Variants in PREPL observed in about 807,000 individuals in gnomAD.
PREPL encodes the protein prolyl endopeptidase like, also known as prolyl endopeptidase-like.
PREPL carries 77 observed loss-of-function variants against 70.6 expected under a neutral mutation model. The ratio of observed to expected loss-of-function variants is 1.09; its 90% confidence interval spans 0.91 to 1.32. The LOEUF is 1.32. PREPL is among the 40% of genes most tolerant of loss of function. PREPL has a pLI of 0.00. For missense variants in PREPL, 1,002 were observed against 778.2 expected (o/e 1.29, Z -3.42); for synonymous variants, 315 against 264.8 (o/e 1.19, Z -1.84).
intron 1 of PREPL, chr2:44,359,967 G>A (rs1677500274): frequency 2.3e-6 from 1 of 438,744 alleles, no homozygotes; most frequent in African/African-American, 2.0e-5. Context: ...TGACTTAAAT[G>A]TCTCATTTGT....
intron 6 of PREPL, 97 bp downstream of exon 6, chr2:44,339,050 T>C (rs1674937525): frequency 6.6e-7 from 1 of 1,519,904 alleles, no homozygotes; most frequent in Non-Finnish European, 8.8e-7. Context: ...GTGGCATCAA[T>C]TTATAAAACA....
rs1449313825 is a variant in PREPL at position 44,338,498 on chromosome 2, A to G, written c.741T>C (p.Asn247=). The change falls in exon 7 of 14, where the codon AAT becomes AAC. Residue 247 remains asparagine (N), a synonymous_variant. Transcript: ENST00000409411. ...TCTTCATTGTAAAAAATAAATCCCA[A>G]TTCATAATTGCAGGGGTATCAGCCG... The part of the protein sequence containing the change: ...RTAADTPAIM[N]WDLFFTMKRN... 4 of 1,612,544 alleles carry G rather than the reference A, an allele frequency of 2.5e-6. No homozygotes were observed. In the South Asian group the frequency reaches 3.3e-5, roughly 13 times the overall value.
upstream of PREPL, chr2:44,361,798 G>A (rs778473561): frequency 2.1e-6 from 2 of 932,986 alleles, no homozygotes; most frequent in East Asian, 3.3e-5. Flanking sequence ...ATGGCTACCA[G>A]CAAGAATGGT....
intron 5 of PREPL, among the ~76,000 whole-genome samples, chr2:44,342,047 G>A (rs1399429128): frequency 6.6e-6 from 1 of 152,102 alleles, no homozygotes; most frequent in Non-Finnish European, 1.5e-5. Flanking sequence ...AATAGATACT[G>A]ACTAAATAGC....
intron 1 of PREPL, among the ~76,000 whole-genome samples, chr2:44,355,776 TATACAC>T (rs1433141238): frequency 5.1e-5 from 2 of 39,106 alleles, no homozygotes; most frequent in African/African-American, 7.2e-5. Flanking sequence ...TATATATATA[TATACAC>T]ACACACACAC....
intron 2 of PREPL, 50 bp downstream of exon 2, chr2:44,346,218 C>G (rs779439446): frequency 6.6e-6 from 10 of 1,518,418 alleles, no homozygotes; most frequent in Non-Finnish European, 9.0e-6. Flanking sequence ...TCATTTGCAT[C>G]TTGATTGGTA....
Position 44,338,458 on chromosome 2 carries a change from T to C in PREPL, c.781A>G (p.Ile261Val). The C allele has an allele frequency of 6.2e-7, 1 of 1,613,072 alleles. No individual in the cohort carries two copies. Among genetic ancestry groups the C allele is most frequent in the Non-Finnish European group, 8.5e-7 (1 of 1,179,398 alleles). The change falls in exon 7 of 14, where the codon ATA becomes GTA. Residue 261 changes from isoleucine (I) to valine (V), a missense_variant. Ile to Val is a conservative substitution (Grantham distance 29). Coordinates refer to ENST00000409411, the MANE Select transcript of PREPL (RefSeq NM_001171613.2). The stretch of plus-strand genomic sequence containing the variant: ...TGATCCTTAAACATGTCCAAGTCTA[T>C]CACTTTTGTATTTCTCTTCATTGTA... ...FFTMKRNTKV[I>V]DLDMFKDHCV...
At chr2:44,337,612 T>C (rs1331829594) in intron 7 of PREPL, among the ~76,000 whole-genome samples, 1 of 152,216 alleles carries the variant, frequency 6.6e-6, no homozygotes, top group East Asian at 1.9e-4. Flanking sequence ...ACTCTTTTCA[T>C]ATCAAACAAA....
At chr2:44,329,962 T>G (rs534760137) in intron 8 of PREPL, among the ~76,000 whole-genome samples, 1 of 152,188 alleles carries the variant, frequency 6.6e-6, no homozygotes, top group Non-Finnish European at 1.5e-5. Context: ...TCCAAGTCAC[T>G]CTTCATATTT....
chr2:44,321,121 T>TGG lies in PREPL; in HGVS notation c.*234_*235insCC, dbSNP rs1672903077. 25 of 496,118 alleles carry TGG rather than the reference T, an allele frequency of 5.0e-5. No individual in the cohort carries two copies. In the South Asian group the frequency reaches 6.1e-4, roughly 12 times the overall value. The allele number at this position is 496,118 out of a possible 1,614,324, so 30.7% of individuals were successfully genotyped here. A position where few individuals can be genotyped will look rare whatever the true frequency, so the allele number is the denominator to read the frequency against. On this transcript the variant is annotated 3_prime_UTR_variant, in exon 14 of 14. Coordinates refer to ENST00000409411, the MANE Select transcript of PREPL (RefSeq NM_001171613.2). ...TTCCCTTCCCTCTACTCCACATCCT[T>TGG]CTAAGGAGCATGATTTGAAAATTAC...
In PREPL at chr2:44,320,410, T is replaced by C. The variant is rs934090455; in HGVS notation, c.*946A>G. 1.2e-6 allele frequency: 2 copies of C among 1,614,092 alleles called. No individual in the cohort carries two copies. Among genetic ancestry groups the C allele is most frequent in the Non-Finnish European group, 1.7e-6 (2 of 1,179,924 alleles). Reference sequence around the variant, plus strand: ...TCAACACTGTTAAATCTACATAATATGATTTCGGGCCTTCCCGCTAAAATG... The same window carrying C: ...TCAACACTGTTAAATCTACATAATACGATTTCGGGCCTTCCCGCTAAAATG... On this transcript the variant is annotated 3_prime_UTR_variant, in exon 14 of 14. Coordinates refer to ENST00000409411, the MANE Select transcript of PREPL (RefSeq NM_001171613.2).
intron 1 of PREPL, among the ~76,000 whole-genome samples, chr2:44,353,163 A>G (rs1053708756): frequency 6.6e-6 from 1 of 152,214 alleles, no homozygotes; most frequent in African/African-American, 2.4e-5. Context: ...ATTAAAAAAG[A>G]AAGGTACTGT....
chr2:44,338,355 A>G lies in PREPL; in HGVS notation c.884T>C (p.Leu295Pro). Reference protein sequence around the residue: ...IGLADDSVRSLKLPPWACGFI... With the variant: ...IGLADDSVRSPKLPPWACGFI... Reference sequence around the variant, plus strand: ...ACTTCTGAAAATTAAACATACCTTTAGAGACCGAACTGAATCATCAGCCAG... The same window carrying G: ...ACTTCTGAAAATTAAACATACCTTTGGAGACCGAACTGAATCATCAGCCAG... Residue 295 changes from leucine (L) to proline (P), a missense_variant, in exon 7 of 14, where the codon CTA (leucine) becomes CCA (proline). Coordinates refer to ENST00000409411, the MANE Select transcript of PREPL (RefSeq NM_001171613.2). The G allele has an allele frequency of 6.2e-7, 1 of 1,609,850 alleles. No homozygotes were observed. Among genetic ancestry groups the G allele is most frequent in the Non-Finnish European group, 8.5e-7 (1 of 1,178,870 alleles).
chr2:44,326,386 T>A (rs1000375052), intron 10 of PREPL, among the ~76,000 whole-genome samples: 1 of 149,650 alleles, frequency 6.7e-6, no homozygotes, highest in African/African-American at 2.4e-5. Context: ...TTCTTTCCTT[T>A]TTTTTTTTTT....
chr2:44,318,878 G>A lies in PREPL; in HGVS notation c.*2478C>T, dbSNP rs959468420. On this transcript the variant is annotated 3_prime_UTR_variant, in exon 14 of 14. Transcript: ENST00000409411. ...ACATTCCACCAAAAATCATGACTAC[G>A]CATCTAACAGCTTCAAAATATAGAA... is the stretch of plus-strand genomic sequence containing the variant. 3 of 152,056 alleles carry A rather than the reference G, an allele frequency of 2.0e-5. No homozygotes were observed. Among genetic ancestry groups the A allele is most frequent in the East Asian group, 1.9e-4 (1 of 5,194 alleles). The allele number at this position is 152,056 out of a possible 1,614,324, so 9.4% of individuals were successfully genotyped here. A position where few individuals can be genotyped will look rare whatever the true frequency, so the allele number is the denominator to read the frequency against.
chr2:44,360,338 T>G (rs1398961810), intron 1 of PREPL: 1 of 152,204 alleles, frequency 6.6e-6, no homozygotes, highest in Non-Finnish European at 1.5e-5. Flanking sequence ...CCATGCACAT[T>G]TTACAGGTTG....
rs766169730 is a variant in PREPL at position 44,338,514 on chromosome 2, G to T, written c.725C>A (p.Thr242Asn). ...TAAATCCCAATTCATAATTGCAGGG[G>T]TATCAGCCGCTGTTCTCATTAGCTA... ...EFKLMRTAAD[T>N]PAIMNWDLFF... Residue 242 changes from threonine (T) to asparagine (N), a missense_variant, in exon 7 of 14, where the codon ACC becomes AAC. Physicochemically the swap from Thr to Asn is moderately conservative, Grantham distance 65 (BLOSUM62 0). Coordinates refer to ENST00000409411, the MANE Select transcript of PREPL (RefSeq NM_001171613.2). 1.2e-6 allele frequency: 2 copies of T among 1,610,862 alleles called. No individual in the cohort carries two copies. The highest frequency in any genetic ancestry group is 4.5e-5 in the East Asian group (2 of 44,862).
At chr2:44,355,565 C>T (rs929359423) in intron 1 of PREPL, among the ~76,000 whole-genome samples, 1 of 151,898 alleles carries the variant, frequency 6.6e-6, no homozygotes, top group African/African-American at 2.4e-5. Flanking sequence ...AAGCAATCAC[C>T]CTGTAAAGAC....
At chr2:44,335,747 A>T (rs534755302) in intron 7 of PREPL, among the ~76,000 whole-genome samples, 8 of 152,252 alleles carry the variant, frequency 5.3e-5, no homozygotes, top group African/African-American at 9.6e-5. Flanking sequence ...AACAGAGTAA[A>T]TAGACAACCT....
Sources: gnomAD v4.1 joint callset for allele counts (sites outside exome capture counted in the v4.1 genomes callset) on GRCh38, gnomAD v4.1.1 for gene constraint, MANE v1.5 for transcripts, NCBI Gene and HGNC (gene_info 2026-07-23, HGNC 2026-07-21) for gene names.